SH3D19: variants seen among roughly 807,000 people sequenced by gnomAD.
SH3D19 encodes SH3 domain-containing protein 19.
SH3D19 carries 58 observed loss-of-function variants against 112.1 expected under a neutral mutation model. The observed-to-expected ratio is 0.52, with a 90% confidence interval of 0.42 to 0.64. The LOEUF is 0.64. Ranked by LOEUF, SH3D19 falls within the 30% of genes least tolerant of loss-of-function variation. The pLI, the probability that SH3D19 is intolerant of heterozygous loss-of-function variation, is 0.00. For missense variants in SH3D19, 1,090 were observed against 1,263.4 expected (o/e 0.86, Z 2.08); for synonymous variants, 391 against 448.5 (o/e 0.87, Z 1.62).
chr4:151,301,868 T>C (rs1728460389), intron 1 of SH3D19, among the ~76,000 whole-genome samples: 1 of 152,174 alleles, frequency 6.6e-6, no homozygotes, highest in African/African-American at 2.4e-5. Context: ...AACTACAATA[T>C]ATTCCAAAAG....
chr4:151,180,652 C>T (rs1023883407), intron 3 of SH3D19, among the ~76,000 whole-genome samples: 1 of 151,180 alleles, frequency 6.6e-6, no homozygotes, highest in Non-Finnish European at 1.5e-5. Context: ...GTGATCCACC[C>T]GCCTTGGCCT....
intron 19 of SH3D19, among the ~76,000 whole-genome samples, chr4:151,124,035 T>C (rs1466040801): frequency 6.6e-6 from 1 of 152,184 alleles, no homozygotes; most frequent in Non-Finnish European, 1.5e-5. Context: ...AATTATAATT[T>C]AATAGTTAAC....
At chr4:151,136,168 G>A (rs572882267) in intron 14 of SH3D19, among the ~76,000 whole-genome samples, 2 of 152,234 alleles carry the variant, frequency 1.3e-5, no homozygotes, top group South Asian at 4.1e-4. Context: ...TATTTTTTGA[G>A]ACAGGGTCTC....
At chr4:151,154,318 G>A (rs1755657873) in intron 9 of SH3D19, among the ~76,000 whole-genome samples, 2 of 150,564 alleles carry the variant, frequency 1.3e-5, no homozygotes. Context: ...ATTTTTAGTA[G>A]AGATGGGGTT....
chr4:151,234,671 A>C (rs1332379503), intron 1 of SH3D19, among the ~76,000 whole-genome samples: 2 of 150,704 alleles, frequency 1.3e-5, no homozygotes, highest in African/African-American at 4.9e-5. Context: ...CAAATGCAAA[A>C]TATTGGGCCA....
chr4:151,152,620 G>C (rs989267947), intron 9 of SH3D19, among the ~76,000 whole-genome samples: 4 of 148,744 alleles, frequency 2.7e-5, no homozygotes, highest in Admixed American at 1.4e-4. Flanking sequence ...CCGGGTCCAA[G>C]CAATTCTCCC....
intron 1 of SH3D19, among the ~76,000 whole-genome samples, chr4:151,319,205 C>T (rs900048202): frequency 1.3e-5 from 2 of 152,190 alleles, no homozygotes; most frequent in African/African-American, 2.4e-5. Context: ...CCCACCACCA[C>T]ATCTGGCTAA....
chr4:151,125,326 G>T (rs1212398742), intron 19 of SH3D19, among the ~76,000 whole-genome samples: 2 of 151,932 alleles, frequency 1.3e-5, no homozygotes, highest in Non-Finnish European at 2.9e-5. Context: ...GCCAGGCATT[G>T]GTGGCTCACA....
At chr4:151,253,552 A>G (rs2149979830) in intron 1 of SH3D19, among the ~76,000 whole-genome samples, 1 of 152,328 alleles carries the variant, frequency 6.6e-6, no homozygotes, top group East Asian at 1.9e-4. Flanking sequence ...CACCCTGGCT[A>G]ACACAGTGAA....
At chr4:151,209,249 A>G (rs1222268011) in intron 2 of SH3D19, among the ~76,000 whole-genome samples, 1 of 151,958 alleles carries the variant, frequency 6.6e-6, no homozygotes, top group Non-Finnish European at 1.5e-5. Context: ...TGGTTCTACC[A>G]ATACAGGCAG....
At chr4:151,252,830 C>T (rs1771520853) in intron 1 of SH3D19, among the ~76,000 whole-genome samples, 1 of 152,246 alleles carries the variant, frequency 6.6e-6, no homozygotes, top group Non-Finnish European at 1.5e-5. Context: ...CTTCCAATGG[C>T]TCAGGCCAAA....
chr4:151,205,589 C>T (rs1272027326), intron 2 of SH3D19, among the ~76,000 whole-genome samples: 3 of 152,062 alleles, frequency 2.0e-5, no homozygotes, highest in Non-Finnish European at 4.4e-5. Flanking sequence ...TCTATTCTAC[C>T]CACTAGGTCT....
intron 1 of SH3D19, among the ~76,000 whole-genome samples, chr4:151,267,176 A>T (rs1413884572): frequency 1.4e-5 from 2 of 147,182 alleles, no homozygotes; most frequent in African/African-American, 5.1e-5. Flanking sequence ...AAAAAAATAA[A>T]TAAAATAAAT....
Position 151,211,736 on chromosome 4 carries a change from C to T in SH3D19, c.152+14311G>A, listed in dbSNP as rs148123769. Among the ~76,000 whole-genome samples the T allele has an allele frequency of 4.0e-3, 602 of 152,284 alleles. 7 individuals carry two copies. Among genetic ancestry groups the T allele is most frequent in the African/African-American group, 0.01 (432 of 41,566 alleles). On this transcript the variant is annotated intron_variant, in intron 2 of 19. Transcript: ENST00000604030. ...CCACAACATTCCCTTATGCCAAAAC[C>T]TAATCTAAAGCAAGGTCCTAACTCT... is the stretch of plus-strand genomic sequence containing the variant.
At chr4:151,307,902 CTTTA>C (rs1729078317) in intron 1 of SH3D19, among the ~76,000 whole-genome samples, 1 of 152,156 alleles carries the variant, frequency 6.6e-6, no homozygotes. Flanking sequence ...GTTAAACCAT[CTTTA>C]TTTATTTTAT....
At chr4:151,133,273 A>G (rs780948688) in intron 15 of SH3D19, 37 bp from the exon 16 acceptor site, 1 of 1,576,452 alleles carries the variant, frequency 6.3e-7, no homozygotes, top group Non-Finnish European at 8.7e-7. Flanking sequence ...TAGACTAGAG[A>G]GTGCTTTTAA....
At chr4:151,265,510 C>T (rs929720602) in intron 1 of SH3D19, among the ~76,000 whole-genome samples, 16 of 150,698 alleles carry the variant, frequency 1.1e-4, no homozygotes, top group Middle Eastern at 3.4e-3. Flanking sequence ...AAGCTCAAGG[C>T]ATAAGTTTGC....
intron 9 of SH3D19, among the ~76,000 whole-genome samples, chr4:151,154,129 T>C (rs1755609680): frequency 8.3e-6 from 1 of 121,156 alleles, no homozygotes; most frequent in South Asian, 2.3e-4. Flanking sequence ...ACCCGGCTGA[T>C]TTTTTTTTTT....
At chr4:151,227,995 A>G in intron 1 of SH3D19, 2 of 985,418 alleles carry the variant, frequency 2.0e-6, no homozygotes, top group Non-Finnish European at 2.4e-6. Context: ...ACCAGTCTGC[A>G]CAGCTGGAAT....
Sources: allele counts gnomAD v4.1 joint callset (sites outside exome capture counted in the v4.1 genomes callset), GRCh38; gene constraint gnomAD v4.1.1; transcripts MANE v1.5; gene names NCBI Gene and HGNC (gene_info 2026-07-23, HGNC 2026-07-21).